Variants in CSNK1G1 observed in about 807,000 individuals in gnomAD.
The protein encoded by CSNK1G1 is casein kinase I isoform gamma-1.
Under a neutral mutation model 59.6 loss-of-function variants are expected in CSNK1G1, and 22 were observed. The ratio of observed to expected loss-of-function variants is 0.37; its 90% CI spans 0.26 to 0.53. The LOEUF (loss-of-function observed/expected upper bound fraction) is 0.53, where lower values mean the gene tolerates loss of function less well. Among genes scored for constraint, CSNK1G1 ranks in the 20% least tolerant of loss-of-function variants. The probability of loss-of-function intolerance (pLI) is 0.89; values close to 1 mark genes in which losing one functional copy is unlikely to be tolerated. For synonymous variants in CSNK1G1, 179 were observed against 177.1 expected (o/e 1.01, Z -0.08); for missense variants, 384 against 519.5 (o/e 0.74, Z 2.54).
chr15:64,241,273 A>G (rs1020289323), intron 4 of CSNK1G1, among the ~76,000 whole-genome samples: 3 of 152,250 alleles, frequency 2.0e-5, no homozygotes, highest in African/African-American at 7.2e-5. Context: ...GAAGGTAATT[A>G]TACAATGTTA....
intron 2 of CSNK1G1, among the ~76,000 whole-genome samples, chr15:64,261,710 C>A (rs577591541): frequency 6.6e-6 from 1 of 151,728 alleles, no homozygotes; most frequent in Admixed American, 6.6e-5. Flanking sequence ...TTGGGGAGGG[C>A]GAGGCAGGTG....
rs952961232 is a variant in CSNK1G1, at chr15:64,292,616, C to T, written c.181+7703G>A. Among the ~76,000 whole-genome samples the T allele has an allele frequency of 1.8e-4, 27 of 152,246 alleles. 1 individual carries two copies. Among genetic ancestry groups the T allele is most frequent in the Middle Eastern group, 3.4e-3 (1 of 294 alleles). The stretch of plus-strand genomic sequence containing the variant: ...GTCTCCCATAAACATACGTGCACCC[C>T]TATGTGGATGTGAAAGAAATATCAC... On this transcript the variant is annotated intron_variant, in intron 2 of 11. Coordinates refer to ENST00000303052, the MANE Select transcript of CSNK1G1 (RefSeq NM_022048.5).
At chr15:64,195,843 C>A (rs553625753) in intron 10 of CSNK1G1, among the ~76,000 whole-genome samples, 1 of 152,208 alleles carries the variant, frequency 6.6e-6, no homozygotes, top group Non-Finnish European at 1.5e-5. Context: ...CAACTGGGAT[C>A]TTTCTGAATG....
At chr15:64,276,367 A>T (rs1198971879) in intron 2 of CSNK1G1, among the ~76,000 whole-genome samples, 1 of 152,192 alleles carries the variant, frequency 6.6e-6, no homozygotes, top group Non-Finnish European at 1.5e-5. Context: ...AAGGCATATG[A>T]TTTTCCCCCA....
intron 4 of CSNK1G1, among the ~76,000 whole-genome samples, chr15:64,242,804 C>T (rs1294073069): frequency 6.6e-6 from 1 of 152,124 alleles, no homozygotes; most frequent in Non-Finnish European, 1.5e-5. Flanking sequence ...AGCAATATTC[C>T]TCATGAACAT....
rs114832119 is a variant in CSNK1G1 at position 64,292,772 on chromosome 15, A to G, written c.181+7547T>C. ...ACCTGTCTCTATTAAAAAAATACAA[A>G]AAATAATTAGCCGGGCATGGTGGCG... On this transcript the variant is annotated intron_variant, in intron 2 of 11. Coordinates refer to ENST00000303052, the MANE Select transcript of CSNK1G1 (RefSeq NM_022048.5). 8.3e-3 allele frequency among the ~76,000 whole-genome samples: 1,270 copies of G among 152,108 alleles called. 19 individuals are homozygous for G. Among genetic ancestry groups the G allele is most frequent in the African/African-American group, 0.029 (1,192 of 41,468 alleles).
chr15:64,241,356 G>C (rs2082691408), intron 4 of CSNK1G1, among the ~76,000 whole-genome samples: 1 of 152,196 alleles, frequency 6.6e-6, no homozygotes, highest in African/African-American at 2.4e-5. Flanking sequence ...CACTCAGAAA[G>C]ATAAAATATT....
intron 2 of CSNK1G1, among the ~76,000 whole-genome samples, chr15:64,278,385 T>TGC (rs1444794141): frequency 1.8e-5 from 2 of 112,048 alleles, no homozygotes; most frequent in Admixed American, 1.7e-4. Context: ...TGCGTGTGTG[T>TGC]GTGTGTGTGT....
chr15:64,343,583 C>A (rs1344222889), intron 1 of CSNK1G1, among the ~76,000 whole-genome samples: 3 of 151,988 alleles, frequency 2.0e-5, no homozygotes, highest in Non-Finnish European at 4.4e-5. Context: ...TCCTTCCTGT[C>A]AGAATTGTGA....
intron 1 of CSNK1G1, among the ~76,000 whole-genome samples, chr15:64,333,214 G>A (rs117008125): frequency 0.024 from 2,914 of 119,998 alleles, 41 homozygotes; most frequent in South Asian, 0.045. Flanking sequence ...CCCAGATTGC[G>A]CCATTGCACT....
intron 6 of CSNK1G1, among the ~76,000 whole-genome samples, chr15:64,212,178 C>T (rs1430649539): frequency 6.6e-6 from 1 of 152,160 alleles, no homozygotes; most frequent in East Asian, 1.9e-4. Flanking sequence ...CAAAGTAACG[C>T]TGATAGTAAG....
chr15:64,229,417 G>A (rs1475505480), intron 4 of CSNK1G1, among the ~76,000 whole-genome samples: 1 of 152,146 alleles, frequency 6.6e-6, no homozygotes, highest in Non-Finnish European at 1.5e-5. Context: ...TGCCTGCCTG[G>A]GAAAACTGGC....
rs553614661 is a variant in CSNK1G1, at chr15:64,166,338, G to GTTTATC, written c.*5587_*5592dup. On this transcript the variant is annotated 3_prime_UTR_variant, in exon 12 of 12. Transcript: ENST00000303052. The surrounding 1 kb of genome is among the most constrained non-coding windows in gnomAD (Gnocchi z 4.5). ...TTCCATTGGGGGGTATATATTTTTG[G>GTTTATC]TTTATCTTTATCTTTTCTGCTGTTA... is the stretch of plus-strand genomic sequence containing the variant. 1.9e-3 allele frequency: 474 copies of GTTTATC among 246,080 alleles called. 1 individual carries two copies. The highest frequency in any genetic ancestry group is 3.7e-3 in the Admixed American group (67 of 18,174). 15.2% of individuals were successfully genotyped at this position (246,080 alleles called of 1,614,324 possible). A position where few individuals can be genotyped will look rare whatever the true frequency, so the allele number is the denominator to read the frequency against.
intron 4 of CSNK1G1, among the ~76,000 whole-genome samples, chr15:64,221,679 T>C (rs2082390019): frequency 6.6e-6 from 1 of 151,828 alleles, no homozygotes; most frequent in Non-Finnish European, 1.5e-5. Flanking sequence ...TTAGCCTCTC[T>C]GGGTTAGCTT....
intron 3 of CSNK1G1, among the ~76,000 whole-genome samples, chr15:64,254,048 G>A (rs1202401250): frequency 1.3e-5 from 2 of 152,114 alleles, no homozygotes; most frequent in East Asian, 1.9e-4. Flanking sequence ...GCTGAGGCAG[G>A]AGAATTGCTT....
chr15:64,312,290 T>C (rs1896037875), intron 1 of CSNK1G1, among the ~76,000 whole-genome samples: 1 of 152,154 alleles, frequency 6.6e-6, no homozygotes, highest in Non-Finnish European at 1.5e-5. Context: ...AGAGCCCGCA[T>C]AGCCAAGACA....
intron 10 of CSNK1G1, among the ~76,000 whole-genome samples, chr15:64,201,617 AC>A (rs1234868151): frequency 6.6e-6 from 1 of 151,786 alleles, no homozygotes; most frequent in African/African-American, 2.4e-5. Flanking sequence ...CCTTTTACAT[AC>A]TTTTTTCTTA....
At chr15:64,276,076 T>A in intron 2 of CSNK1G1, among the ~76,000 whole-genome samples, 1 of 152,088 alleles carries the variant, frequency 6.6e-6, no homozygotes, top group Non-Finnish European at 1.5e-5. Context: ...AAGTCTAAAG[T>A]GAGGCTACGT....
In CSNK1G1 at chr15:64,204,658, T is replaced by A. The variant is rs948151883; in HGVS notation, c.851-69A>T. The A allele has an allele frequency of 7.9e-6, 12 of 1,510,388 alleles. No homozygotes were observed. The Admixed American group carries it at 2.1e-4, about 26-fold the overall frequency. 93.6% of individuals were successfully genotyped at this position (1,510,388 alleles called of 1,614,324 possible). A position where few individuals can be genotyped will look rare whatever the true frequency, so the allele number is the denominator to read the frequency against. ...TTTCCATAGCAGTTGTGGGGAAGCA[T>A]TGGGCCACAAAGGGGTTATTTATAC... On this transcript the variant is annotated intron_variant, in intron 8 of 11. Transcript: ENST00000303052.
Sources: allele counts gnomAD v4.1 joint callset (sites outside exome capture counted in the v4.1 genomes callset), GRCh38; gene constraint gnomAD v4.1.1; non-coding constraint Gnocchi (gnomAD v3.1); transcripts MANE v1.5; gene names NCBI Gene and HGNC (gene_info 2026-07-23, HGNC 2026-07-21).